SMYD2: variants seen among roughly 807,000 people sequenced by gnomAD.
SMYD2 encodes the protein N-lysine methyltransferase SMYD2.
In SMYD2, 53 loss-of-function variants were observed where a neutral mutation model predicts 59.1. The ratio of observed to expected loss-of-function variants is 0.90; its 90% confidence interval spans 0.72 to 1.13. The LOEUF (loss-of-function observed/expected upper bound fraction) is 1.13. SMYD2 is among the 50% of genes most tolerant of loss of function. The probability of loss-of-function intolerance (pLI) is 0.00; values close to 1 mark genes in which losing one functional copy is unlikely to be tolerated. For missense variants in SMYD2, 494 were observed against 544.7 expected, an observed-to-expected ratio of 0.91 and a Z score of 0.93; for synonymous variants, 208 against 198.8, an observed-to-expected ratio of 1.05 and a Z score of -0.39.
chr1:214,307,088 T>A (rs7519274), intron 2 of SMYD2, among the ~76,000 whole-genome samples: 1 of 152,092 alleles, frequency 6.6e-6, no homozygotes, highest in African/African-American at 2.4e-5. Context: ...CTGGAGAATC[T>A]CTTGAACCTG....
chr1:214,334,409 G>T (rs1571936846), intron 11 of SMYD2, 101 bp downstream of exon 11: 1 of 1,115,546 alleles, frequency 9.0e-7, no homozygotes, highest in Admixed American at 1.8e-5. Flanking sequence ...GCAGTGGAGG[G>T]TGAGCAGCTC....
chr1:214,305,166 A>G (rs1030957791), intron 1 of SMYD2, 21 bp from the exon 2 acceptor site: 2 of 1,612,596 alleles, frequency 1.2e-6, no homozygotes, highest in Non-Finnish European at 1.7e-6. Context: ...TCACCACTAC[A>G]GTGCCCTTTC....
chr1:214,295,616 C>G (rs928486064), intron 1 of SMYD2, among the ~76,000 whole-genome samples: 34 of 152,304 alleles, frequency 2.2e-4, no homozygotes, highest in African/African-American at 7.2e-4. Flanking sequence ...GATGCGGGCT[C>G]TAACTTTTAA....
At position 214,312,738 on chromosome 1, in the gene SMYD2, A is replaced by G. The variant is rs1258995818; in HGVS notation, c.238-2024A>G. 6.6e-6 allele frequency among the ~76,000 whole-genome samples: 1 copy of G among 152,140 alleles called. No individual in the cohort carries two copies. Among genetic ancestry groups the G allele is most frequent in the Non-Finnish European group, 1.5e-5 (1 of 68,030 alleles). On this transcript the variant is annotated intron_variant, in intron 2 of 11. Transcript: ENST00000366957. The surrounding 1 kb of genome is among the most constrained non-coding windows in gnomAD (Gnocchi z 4.1). ...GCAGGTGAGAGTACGGTGGGGGATG[A>G]TGGGCTGGGGTGGTGCAGGGACGCT...
At chr1:214,311,019 T>C (rs548840838) in intron 2 of SMYD2, among the ~76,000 whole-genome samples, 55 of 152,330 alleles carry the variant, frequency 3.6e-4, no homozygotes, top group African/African-American at 1.3e-3. Context: ...GTGGTAAATT[T>C]CCTTTGATGA....
chr1:214,332,342 C>A (rs912631202), intron 10 of SMYD2, 150 bp downstream of exon 10: 1 of 883,170 alleles, frequency 1.1e-6, no homozygotes, highest in Non-Finnish European at 1.7e-6. Flanking sequence ...TGGTGCAGGG[C>A]ACTGCTCCCG....
At chr1:214,310,457 A>G (rs1553255059) in intron 2 of SMYD2, among the ~76,000 whole-genome samples, 2 of 151,698 alleles carry the variant, frequency 1.3e-5, no homozygotes, top group Non-Finnish European at 2.9e-5. Context: ...ATACTTTGGT[A>G]TATATCTTCC....
intron 1 of SMYD2, among the ~76,000 whole-genome samples, chr1:214,286,879 C>A (rs975597575): frequency 7.2e-6 from 1 of 138,034 alleles, no homozygotes; most frequent in Non-Finnish European, 1.5e-5. Context: ...GAGATGGAGT[C>A]TCACTCTGTC....
At chr1:214,308,802 A>G (rs1656955062) in intron 2 of SMYD2, among the ~76,000 whole-genome samples, 1 of 152,216 alleles carries the variant, frequency 6.6e-6, no homozygotes, top group South Asian at 2.1e-4. Flanking sequence ...AAGGTCAAAC[A>G]GTGGCAGAAC....
intron 1 of SMYD2, among the ~76,000 whole-genome samples, chr1:214,295,969 C>A (rs943859788): frequency 1.3e-5 from 2 of 152,142 alleles, no homozygotes; most frequent in African/African-American, 2.4e-5. Flanking sequence ...GGGCTTTTTT[C>A]CCATTCTCTT....
rs1343222009 is a variant in SMYD2, at chr1:214,312,726, C to T, written c.238-2036C>T. Reference sequence around the variant, plus strand: ...AAGTGCAGTGAGGCAGGTGAGAGTACGGTGGGGGATGATGGGCTGGGGTGG... The same window carrying T: ...AAGTGCAGTGAGGCAGGTGAGAGTATGGTGGGGGATGATGGGCTGGGGTGG... On this transcript the variant is annotated intron_variant, in intron 2 of 11. Coordinates refer to ENST00000366957, the MANE Select transcript of SMYD2 (RefSeq NM_020197.3). The surrounding 1 kb of genome is among the most constrained non-coding windows in gnomAD (Gnocchi z 4.1). Among the ~76,000 whole-genome samples the T allele has an allele frequency of 2.0e-5, 3 of 152,096 alleles. No homozygotes were observed. Among genetic ancestry groups the T allele is most frequent in the Admixed American group, 6.6e-5 (1 of 15,264 alleles).
intron 2 of SMYD2, among the ~76,000 whole-genome samples, chr1:214,313,175 G>A (rs557170032): frequency 1.8e-4 from 27 of 152,098 alleles, no homozygotes; most frequent in South Asian, 4.2e-4. Flanking sequence ...GGAGTGTAGC[G>A]GTGCACTCTC....
intron 1 of SMYD2, among the ~76,000 whole-genome samples, chr1:214,292,203 A>T (rs1000830037): frequency 2.0e-5 from 3 of 151,938 alleles, no homozygotes; most frequent in African/African-American, 7.3e-5. Context: ...GGGCTTCCTG[A>T]TGGACACCCT....
intron 1 of SMYD2, among the ~76,000 whole-genome samples, chr1:214,293,902 C>T (rs1359144392): frequency 6.6e-6 from 1 of 152,072 alleles, no homozygotes; most frequent in Admixed American, 6.5e-5. Context: ...TTTTGAACTC[C>T]TGACCTTAGG....
chr1:214,284,187 TATACACAC>T (rs1179139768), intron 1 of SMYD2, among the ~76,000 whole-genome samples: 9 of 151,718 alleles, frequency 5.9e-5, no homozygotes, highest in Non-Finnish European at 1.2e-4. Context: ...AGATACACTT[TATACACAC>T]ATACACACAT....
rs369190661 is a variant in SMYD2, at chr1:214,316,508, C to A, written c.349-1571C>A. On this transcript the variant is annotated intron_variant, in intron 3 of 11. Transcript: ENST00000366957. Reference sequence around the variant, plus strand: ...TGTCTCTAAAAATGAAAAAAAAAAACAAACTGAAATTTCATCCACTTCTCC... The same window carrying A: ...TGTCTCTAAAAATGAAAAAAAAAAAAAAACTGAAATTTCATCCACTTCTCC... 9.6e-4 allele frequency among the ~76,000 whole-genome samples: 144 copies of A among 150,466 alleles called. No individual in the cohort carries two copies. In the East Asian group the frequency reaches 0.016, roughly 17 times the overall value.
In SMYD2 at chr1:214,319,003, G is replaced by A. The variant is rs779898336; in HGVS notation, c.534+20G>A. The A allele has an allele frequency of 6.2e-7, 1 of 1,612,528 alleles. No individual in the cohort carries two copies. The highest frequency in any genetic ancestry group is 1.1e-5 in the South Asian group (1 of 90,744). Reference sequence around the variant, plus strand: ...GCACAGGTAAGGACGCTGGCAGCAGGTAACACTCAGTCTGGCCTTTCCCTC... The same window carrying A: ...GCACAGGTAAGGACGCTGGCAGCAGATAACACTCAGTCTGGCCTTTCCCTC... On this transcript the variant is annotated intron_variant, in intron 5 of 11. Coordinates refer to ENST00000366957, the MANE Select transcript of SMYD2 (RefSeq NM_020197.3).
At chr1:214,281,535 C>T (rs1415560855) in intron 1 of SMYD2, 108 bp downstream of exon 1, 3 of 1,072,550 alleles carry the variant, frequency 2.8e-6, no homozygotes, top group Non-Finnish European at 3.5e-6. Context: ...CTAGCGCCGG[C>T]CCTTGGGGCG....
Position 214,324,674 on chromosome 1 carries a change from G to A in SMYD2, c.568G>A (p.Glu190Lys), listed in dbSNP as rs1226089183. The A allele has an allele frequency of 8.1e-6, 13 of 1,612,984 alleles. No homozygotes were observed. Among genetic ancestry groups the A allele is most frequent in the Non-Finnish European group, 1.0e-5 (12 of 1,179,638 alleles). The change falls in exon 6 of 12, where the codon GAA (glutamate) becomes AAA (lysine). Residue 190 changes from glutamate to lysine, a missense_variant. Transcript: ENST00000366957. ...NCNGFTIEDEELSHLGSAIFP... is the reference protein window; with the variant it reads ...NCNGFTIEDEKLSHLGSAIFP... ...TAATGGCTTCACAATTGAAGATGAAGAACTTTCTCATTTGGGATCAGCGAT... is the reference window on the plus strand; with the variant it reads ...TAATGGCTTCACAATTGAAGATGAAAAACTTTCTCATTTGGGATCAGCGAT...
Sources: gnomAD v4.1 joint callset for allele counts (sites outside exome capture counted in the v4.1 genomes callset) on GRCh38, gnomAD v4.1.1 for gene constraint, Gnocchi (gnomAD v3.1) non-coding constraint, MANE v1.5 for transcripts, NCBI Gene and HGNC (gene_info 2026-07-23, HGNC 2026-07-21) for gene names.